The following ANKRD30BL variants were observed in gnomAD, a reference collection of about 807,000 sequenced individuals.
ANKRD30BL encodes putative ankyrin repeat domain-containing protein 30B-like.
Under a neutral mutation model 18.4 loss-of-function variants are expected in ANKRD30BL, and 20 were observed. That is an observed-to-expected ratio of 1.09 (90% confidence interval 0.77 to 1.58). ANKRD30BL has a LOEUF of 1.58. Among genes scored for constraint, ANKRD30BL ranks in the 40% most tolerant of loss-of-function variants. ANKRD30BL has a pLI of 0.00. For missense variants in ANKRD30BL, 224 were observed against 268.6 expected (o/e 0.83, Z 1.16); for synonymous variants, 72 against 100.9 (o/e 0.71, Z 1.72).
At chr2:132,216,459 T>A (rs991416789) in intron 1 of ANKRD30BL, among the ~76,000 whole-genome samples, 22 of 151,972 alleles carry the variant, frequency 1.4e-4, no homozygotes, top group Non-Finnish European at 8.8e-5. Flanking sequence ...TTGGAAACAC[T>A]CTTTTTGTAG....
intron 1 of ANKRD30BL, among the ~76,000 whole-genome samples, chr2:132,181,272 GA>G (rs1688456071): frequency 6.6e-6 from 1 of 152,024 alleles, no homozygotes. Context: ...TCAGGAGTTT[GA>G]GACCAGCCTG....
upstream of ANKRD30BL, among the ~76,000 whole-genome samples, chr2:132,166,461 A>T (rs1252414267): frequency 6.6e-6 from 1 of 152,018 alleles, no homozygotes; most frequent in Non-Finnish European, 1.5e-5. Flanking sequence ...TTAACTATTT[A>T]TTCAATTCCT....
intron 1 of ANKRD30BL, among the ~76,000 whole-genome samples, chr2:132,256,451 G>C (rs1026461167): frequency 6.6e-6 from 1 of 152,240 alleles, no homozygotes; most frequent in Non-Finnish European, 1.5e-5. Context: ...GCAGCCGCGA[G>C]GGACCGGCGG....
chr2:132,179,665 G>A (rs1688427751), intron 1 of ANKRD30BL, among the ~76,000 whole-genome samples: 2 of 151,632 alleles, frequency 1.3e-5, no homozygotes, highest in African/African-American at 4.9e-5. Context: ...ATTTCAGGCA[G>A]GTCCTTCAGG....
intron 1 of ANKRD30BL, among the ~76,000 whole-genome samples, chr2:132,243,807 C>T (rs1368315619): frequency 1.3e-5 from 2 of 152,124 alleles, no homozygotes; most frequent in South Asian, 2.1e-4. Flanking sequence ...CAGAGTTGAA[C>T]ATTCCTTTAC....
chr2:132,201,272 A>C (rs1399463736), intron 1 of ANKRD30BL, among the ~76,000 whole-genome samples: 1 of 152,206 alleles, frequency 6.6e-6, no homozygotes, highest in African/African-American at 2.4e-5. Context: ...AAGCAATGGC[A>C]ACCAAAGCCA....
intron 1 of ANKRD30BL, among the ~76,000 whole-genome samples, chr2:132,196,734 G>A (rs1198597807): frequency 6.6e-6 from 1 of 151,692 alleles, no homozygotes; most frequent in Non-Finnish European, 1.5e-5. Flanking sequence ...TTGAACCCAG[G>A]AGTAGGAGGT....
At chr2:132,236,580 A>T (rs1315688680) in intron 1 of ANKRD30BL, among the ~76,000 whole-genome samples, 6 of 152,206 alleles carry the variant, frequency 3.9e-5, no homozygotes, top group African/African-American at 1.2e-4. Flanking sequence ...ATGAGATACC[A>T]TCTCACACCA....
At position 132,207,762 on chromosome 2, in the gene ANKRD30BL, G is replaced by C. The variant is rs140249511; in HGVS notation, n.441+49767C>G. ...CACAGATAAATGGAAAGAAGGGTGG[G>C]AGTGTGTCAGGAGTAGGATGCTGAA... On this transcript the variant is annotated intron_variant and non_coding_transcript_variant, in intron 1 of 4. Transcript: ENST00000470729. Among the ~76,000 whole-genome samples, 791 of 152,206 alleles carry C rather than the reference G, an allele frequency of 5.2e-3. 5 individuals are homozygous for C. The highest frequency in any genetic ancestry group is 0.018 in the African/African-American group (764 of 41,532).
chr2:132,200,996 C>T (rs1386266146), intron 1 of ANKRD30BL, among the ~76,000 whole-genome samples: 2 of 152,110 alleles, frequency 1.3e-5, no homozygotes, highest in Non-Finnish European at 2.9e-5. Context: ...TGCCACATAT[C>T]TACAACTATC....
rs551513156 is a variant in ANKRD30BL at position 132,201,320 on chromosome 2, C to T, written n.442-44174G>A. Among the ~76,000 whole-genome samples the T allele has an allele frequency of 4.5e-3, 692 of 152,206 alleles. 4 individuals carry two copies. Among genetic ancestry groups the T allele is most frequent in the South Asian group, 0.022 (106 of 4,826 alleles). ...GGGATCTAATTAAACTGAAGAGCTT[C>T]TGCACAGCAAAAGAAACTACCATCA... On this transcript the variant is annotated intron_variant and non_coding_transcript_variant, in intron 1 of 4. Coordinates refer to the ANKRD30BL transcript ENST00000470729.
chr2:132,217,602 A>G (rs1679543644), intron 1 of ANKRD30BL, among the ~76,000 whole-genome samples: 1 of 152,200 alleles, frequency 6.6e-6, no homozygotes, highest in Admixed American at 6.6e-5. Flanking sequence ...AAGTCGGAAT[A>G]TCTTCAGATA....
chr2:132,240,104 T>G (rs1324597757), intron 1 of ANKRD30BL, among the ~76,000 whole-genome samples: 2 of 151,252 alleles, frequency 1.3e-5, no homozygotes, highest in African/African-American at 4.9e-5. Flanking sequence ...AATCTACAAG[T>G]GGACATTTTG....
chr2:132,154,484 GTTCT>G (rs1156715914), intron 4 of ANKRD30BL, among the ~76,000 whole-genome samples, 174 bp downstream of exon 4: 2 of 152,260 alleles, frequency 1.3e-5, no homozygotes, highest in African/African-American at 4.8e-5. Flanking sequence ...ACTGTATACT[GTTCT>G]TTGTGTTGAC....
chr2:132,228,482 A>C (rs1264919878), intron 1 of ANKRD30BL, among the ~76,000 whole-genome samples: 1 of 151,238 alleles, frequency 6.6e-6, no homozygotes, highest in Non-Finnish European at 1.5e-5. Context: ...TGATGTGTGC[A>C]TTCATCTCAC....
At chr2:132,208,541 T>C (rs1232126884) in intron 1 of ANKRD30BL, among the ~76,000 whole-genome samples, 1 of 152,154 alleles carries the variant, frequency 6.6e-6, no homozygotes, top group Admixed American at 6.6e-5. Flanking sequence ...TACAAAATTA[T>C]GACACAGACA....
rs190656452 is a variant in ANKRD30BL at position 132,236,755 on chromosome 2, C to A, written n.441+20774G>T. On this transcript the variant is annotated intron_variant and non_coding_transcript_variant, in intron 1 of 4. Transcript: ENST00000470729. ...ATCTAGGACTAGAAATACCATTTGA[C>A]CCAGCCATCCCATTACTGGGTATAT... is the stretch of plus-strand genomic sequence containing the variant. Among the ~76,000 whole-genome samples, 27 of 152,152 alleles carry A rather than the reference C, an allele frequency of 1.8e-4. No homozygotes were observed. The East Asian group carries it at 4.6e-3, about 26-fold the overall frequency.
intron 1 of ANKRD30BL, among the ~76,000 whole-genome samples, chr2:132,234,440 C>G (rs1347953938): frequency 6.6e-6 from 1 of 151,592 alleles, no homozygotes; most frequent in Non-Finnish European, 1.5e-5. Context: ...AGACAGCTAG[C>G]AAGACTAATA....
chr2:132,199,712 T>A (rs1180530644), intron 1 of ANKRD30BL, among the ~76,000 whole-genome samples: 1 of 152,130 alleles, frequency 6.6e-6, no homozygotes, highest in African/African-American at 2.4e-5. Context: ...TGGCTTAGGT[T>A]ACTTGTTTAT....
Sources: gnomAD v4.1 joint callset for allele counts (sites outside exome capture counted in the v4.1 genomes callset) on GRCh38, gnomAD v4.1.1 for gene constraint, MANE v1.5 for transcripts, NCBI Gene and HGNC (gene_info 2026-07-23, HGNC 2026-07-21) for gene names.